The following METTL25 variants were observed in gnomAD, a reference collection of about 807,000 sequenced individuals.
METTL25 encodes the protein methyltransferase like 25.
In METTL25, 64 loss-of-function variants were observed where a neutral mutation model predicts 71.6. That is an observed-to-expected ratio of 0.89 (90% CI 0.73 to 1.10). The LOEUF (loss-of-function observed/expected upper bound fraction) is 1.10. Among genes scored for constraint, METTL25 ranks in the 50% least tolerant of loss-of-function variants. The pLI is 0.00. For synonymous variants in METTL25, 287 were observed against 250.3 expected (o/e 1.15, Z -1.38); for missense variants, 807 against 707.0 (o/e 1.14, Z -1.60).
chr12:82,430,948 A>T lies in METTL25; in HGVS notation c.1335A>T (p.Arg445Ser), dbSNP rs1415655056. ...TGTGCCACTATTTAAAGGAAGAGAG[A>T]TGGTGCTGTGGTCGTAATGCCAGAA... ...FPMCHYLKEE[R>S]WCCGRNARMS... Residue 445 changes from arginine to serine, a missense_variant, in exon 6 of 12, where the codon AGA becomes AGT. By Grantham distance (110) the Arg-to-Ser change is moderately radical. Transcript: ENST00000248306. 2 of 1,602,760 alleles carry T rather than the reference A, an allele frequency of 1.2e-6. No homozygotes were observed. Among genetic ancestry groups the T allele is most frequent in the African/African-American group, 1.3e-5 (1 of 74,352 alleles).
intron 8 of METTL25, among the ~76,000 whole-genome samples, chr12:82,447,921 A>G (rs1182005825): frequency 6.6e-6 from 1 of 152,078 alleles, no homozygotes; most frequent in Non-Finnish European, 1.5e-5. Flanking sequence ...TGATAAGAAA[A>G]ATTAAAATAA....
At chr12:82,457,323 C>A (rs1325450343) in intron 9 of METTL25, among the ~76,000 whole-genome samples, 1 of 27,190 alleles carries the variant, frequency 3.7e-5, no homozygotes, top group African/African-American at 1.3e-4. Context: ...AATATTCTAC[C>A]ACTGAGGGAA....
At chr12:82,447,449 G>T (rs886517914) in intron 8 of METTL25, among the ~76,000 whole-genome samples, 2 of 152,138 alleles carry the variant, frequency 1.3e-5, no homozygotes, top group South Asian at 2.1e-4. Flanking sequence ...CATCAATGTG[G>T]TTGAATCTTG....
At chr12:82,423,802 C>A (rs1018858216) in intron 5 of METTL25, among the ~76,000 whole-genome samples, 5 of 152,116 alleles carry the variant, frequency 3.3e-5, no homozygotes, top group Admixed American at 3.3e-4. Flanking sequence ...TCATCACTGG[C>A]CATCCGATAA....
Position 82,479,028 on chromosome 12 carries a change from C to G in METTL25, c.*4C>G. ...TGCCCTGAAGAAGCAGCAGTGATTT[C>G]CATTGAAGCAAATTATTAGATGTAT... On this transcript the variant is annotated 3_prime_UTR_variant, in exon 12 of 12. Transcript: ENST00000248306. The G allele has an allele frequency of 6.2e-7, 1 of 1,610,032 alleles. No individual in the cohort carries two copies. Among genetic ancestry groups the G allele is most frequent in the Non-Finnish European group, 8.5e-7 (1 of 1,176,926 alleles).
chr12:82,419,144 T>G (rs1279137633), intron 5 of METTL25, among the ~76,000 whole-genome samples: 1 of 151,862 alleles, frequency 6.6e-6, no homozygotes, highest in Non-Finnish European at 1.5e-5. Context: ...ACTGTTGAAA[T>G]GTAAGGGTAT....
chr12:82,441,623 G>A (rs1890337381), intron 8 of METTL25, among the ~76,000 whole-genome samples: 2 of 151,546 alleles, frequency 1.3e-5, no homozygotes, highest in South Asian at 2.1e-4. Context: ...CGAGTCCCCC[G>A]GGTTTTCTTT....
chr12:82,397,756 G>C (rs1792778147), intron 3 of METTL25, among the ~76,000 whole-genome samples: 2 of 151,248 alleles, frequency 1.3e-5, no homozygotes, highest in South Asian at 4.2e-4. Flanking sequence ...ATATAAGTGT[G>C]GATCTATTTC....
At chr12:82,376,268 A>G (rs561497596) in intron 1 of METTL25, among the ~76,000 whole-genome samples, 3 of 152,190 alleles carry the variant, frequency 2.0e-5, no homozygotes, top group Non-Finnish European at 4.4e-5. Flanking sequence ...TCATACATTC[A>G]TCCCTCTTTT....
At position 82,358,765 on chromosome 12, in the gene METTL25, C is replaced by G. The variant is rs767355719; in HGVS notation, c.200C>G (p.Ser67Trp). The G allele has an allele frequency of 1.2e-6, 2 of 1,613,600 alleles. No individual in the cohort carries two copies. Among genetic ancestry groups the G allele is most frequent in the East Asian group, 2.2e-5 (1 of 44,872 alleles). The change falls in exon 1 of 12, where the codon TCG becomes TGG. Residue 67 changes from serine to tryptophan, a missense_variant. Coordinates refer to ENST00000248306, the MANE Select transcript of METTL25 (RefSeq NM_032230.3). Reference protein sequence around the residue: ...TVLAALRKSASETEALPSETR... With the variant: ...TVLAALRKSAWETEALPSETR... The stretch of plus-strand genomic sequence containing the variant: ...CTGGCTGCGCTGAGGAAGTCAGCGT[C>G]GGAGACGGAGGCCCTGCCCTCAGAG...
At chr12:82,382,472 A>G (rs911189557) in intron 1 of METTL25, among the ~76,000 whole-genome samples, 1 of 152,144 alleles carries the variant, frequency 6.6e-6, no homozygotes, top group African/African-American at 2.4e-5. Context: ...AGTGATTGCT[A>G]TTACCATGGA....
At chr12:82,460,593 T>C (rs1163850676) in intron 9 of METTL25, among the ~76,000 whole-genome samples, 1 of 152,092 alleles carries the variant, frequency 6.6e-6, no homozygotes, top group Admixed American at 6.6e-5. Context: ...ACTCTATTTA[T>C]GAGAAAAATA....
chr12:82,439,795 A>T, intron 8 of METTL25: 1 of 857,828 alleles, frequency 1.2e-6, no homozygotes, highest in Non-Finnish European at 1.4e-6. Flanking sequence ...AAAGCCATAA[A>T]ATTGTGCAAA....
chr12:82,408,597 C>CGTGTGTGTGTGTGTGTGTGTGTGT (rs56872887), intron 5 of METTL25, among the ~76,000 whole-genome samples: 1 of 147,636 alleles, frequency 6.8e-6, no homozygotes, highest in African/African-American at 2.5e-5. Flanking sequence ...GATGTGACTC[C>CGTGTGTGTGTGTGTGTGTGTGTGT]GTGTGTGTGT....
At chr12:82,476,577 GA>G (rs1302714848) in intron 9 of METTL25, 66 bp from the exon 10 acceptor site, 2 of 1,001,764 alleles carry the variant, frequency 2.0e-6, no homozygotes, top group Non-Finnish European at 3.1e-6. Context: ...TTTACTTTAG[GA>G]TATGTTTGAC....
chr12:82,391,718 G>A (rs1488209139), intron 3 of METTL25, among the ~76,000 whole-genome samples: 2 of 100,412 alleles, frequency 2.0e-5, no homozygotes, highest in African/African-American at 7.5e-5. Context: ...TCCATATACT[G>A]ATTTCCTTTT....
rs74648051 is a variant in METTL25 at position 82,450,646 on chromosome 12, C to T, written c.1479-6081C>T. Among the ~76,000 whole-genome samples, 175 of 152,274 alleles carry T rather than the reference C, an allele frequency of 1.1e-3. 1 individual carries two copies. Among genetic ancestry groups the T allele is most frequent in the African/African-American group, 4.0e-3 (166 of 41,568 alleles). ...AAGCTAATGTTTTTCCTGTGATCTG[C>T]AAAGCCTTATGTCATCTGGCTCCTC... On this transcript the variant is annotated intron_variant, in intron 8 of 11. Coordinates refer to ENST00000248306, the MANE Select transcript of METTL25 (RefSeq NM_032230.3).
In METTL25 at chr12:82,398,944, T is replaced by C; in HGVS notation, c.681T>C (p.Cys227=). Residue 227 remains cysteine, a synonymous_variant, in exon 4 of 12, where the codon TGT becomes TGC. Transcript: ENST00000248306. ...AATTGAAGAAACATTGGAAACTCTG[T>C]CATGCTCAGTCAAGATTAGATGTCA... The part of the protein sequence containing the change: ...NRKLKKHWKL[C]HAQSRLDVNG... 1.2e-6 allele frequency: 2 copies of C among 1,612,288 alleles called. No individual in the cohort carries two copies. Among genetic ancestry groups the C allele is most frequent in the Non-Finnish European group, 1.7e-6 (2 of 1,179,372 alleles).
intron 1 of METTL25, among the ~76,000 whole-genome samples, chr12:82,386,485 T>C (rs200767434): frequency 1.1e-3 from 5 of 4,426 alleles, no homozygotes; most frequent in African/African-American, 3.9e-3. Flanking sequence ...CTCCCTCCTT[T>C]CCTTCCTCCC....
Sources: gnomAD v4.1 joint callset for allele counts (sites outside exome capture counted in the v4.1 genomes callset) on GRCh38, gnomAD v4.1.1 for gene constraint, MANE v1.5 for transcripts, NCBI Gene and HGNC (gene_info 2026-07-23, HGNC 2026-07-21) for gene names.